The following ERI3 variants were observed in gnomAD, a reference collection of about 807,000 sequenced individuals.
ERI3 encodes ERI1 exoribonuclease 3.
In ERI3, 18 loss-of-function variants were observed where a neutral mutation model predicts 44.4. That is an observed-to-expected ratio of 0.41 (90% CI 0.28 to 0.60). ERI3 has a LOEUF of 0.60. ERI3 is among the 20% of genes least tolerant of loss of function. The pLI, the probability that ERI3 is intolerant of heterozygous loss-of-function variation, is 0.36. For missense variants in ERI3, 294 were observed against 435.5 expected (o/e 0.68, Z 2.89); for synonymous variants, 183 against 164.8 (o/e 1.11, Z -0.84).
intron 7 of ERI3, among the ~76,000 whole-genome samples, chr1:44,278,168 G>A (rs1356793974): frequency 6.6e-6 from 1 of 152,160 alleles, no homozygotes; most frequent in Non-Finnish European, 1.5e-5. Flanking sequence ...CAATTGGGAT[G>A]CTAAATCTTC....
chr1:44,293,229 C>T (rs1645544558), intron 6 of ERI3, among the ~76,000 whole-genome samples: 2 of 152,238 alleles, frequency 1.3e-5, no homozygotes, highest in East Asian at 1.9e-4. Flanking sequence ...GGGCAAGCCC[C>T]GCTGTCCTCT....
chr1:44,283,155 T>C (rs1428774820), intron 7 of ERI3, among the ~76,000 whole-genome samples: 2 of 152,230 alleles, frequency 1.3e-5, no homozygotes, highest in South Asian at 4.1e-4. Context: ...TGGTATGCTA[T>C]GTTCCAGGGG....
intron 8 of ERI3, among the ~76,000 whole-genome samples, chr1:44,234,632 C>T (rs1287757508): frequency 2.0e-5 from 3 of 152,110 alleles, no homozygotes; most frequent in South Asian, 4.2e-4. Flanking sequence ...GCACTCTAGC[C>T]GGGGCAACAG....
In ERI3 at chr1:44,278,477, GAAA is replaced by G. The variant is rs746101806; in HGVS notation, c.831+6355_831+6357del. Among the ~76,000 whole-genome samples, 51 of 80,036 alleles carry G rather than the reference GAAA, an allele frequency of 6.4e-4. 1 individual carries two copies. The highest frequency in any genetic ancestry group is 2.3e-3 in the African/African-American group (49 of 21,510). 52.5% of individuals were successfully genotyped at this position (80,036 alleles called of 152,430 possible). A position where few individuals can be genotyped will look rare whatever the true frequency, so the allele number is the denominator to read the frequency against. ...GGGCAACAGAGCAAGACTGTCTCAG[GAAA>G]AAAAAAAAAAAAAAGGAAATACTTA... On this transcript the variant is annotated intron_variant, in intron 7 of 8. Coordinates refer to ENST00000372257, the MANE Select transcript of ERI3 (RefSeq NM_024066.3).
intron 6 of ERI3, among the ~76,000 whole-genome samples, chr1:44,294,431 C>T (rs6699067): frequency 0.048 from 7,350 of 152,330 alleles, 230 homozygotes; most frequent in South Asian, 0.11. Flanking sequence ...GCCACAAACA[C>T]GCTGTGGAAC....
intron 1 of ERI3, 133 bp downstream of exon 1, chr1:44,354,759 G>A (rs1572367391): frequency 1.1e-5 from 14 of 1,253,770 alleles, no homozygotes; most frequent in Non-Finnish European, 1.1e-5. Flanking sequence ...ACATTACTCA[G>A]TAGATTAAGT....
At chr1:44,349,585 A>G (rs1025487280) in intron 2 of ERI3, among the ~76,000 whole-genome samples, 1 of 152,218 alleles carries the variant, frequency 6.6e-6, no homozygotes, top group Admixed American at 6.5e-5. Flanking sequence ...TCTTTTTAGC[A>G]TATGTTCACA....
At chr1:44,284,170 G>A (rs1240056506) in intron 7 of ERI3, 1 of 421,254 alleles carries the variant, frequency 2.4e-6, no homozygotes, top group African/African-American at 2.1e-5. Flanking sequence ...GGAAAGTACA[G>A]TTTTCTAAGT....
At chr1:44,341,911 A>G (rs1222466419) in intron 2 of ERI3, among the ~76,000 whole-genome samples, 3 of 152,010 alleles carry the variant, frequency 2.0e-5, no homozygotes, top group Non-Finnish European at 4.4e-5. Context: ...AAAACAAAAC[A>G]AAACAAAAAA....
intron 4 of ERI3, among the ~76,000 whole-genome samples, chr1:44,317,995 A>G (rs561614686): frequency 9.2e-5 from 14 of 152,336 alleles, no homozygotes; most frequent in African/African-American, 3.1e-4. Flanking sequence ...CAGCCTTCAT[A>G]ATAAAGATCC....
intron 7 of ERI3, among the ~76,000 whole-genome samples, chr1:44,276,827 C>T (rs1572170384): frequency 6.6e-6 from 1 of 152,322 alleles, no homozygotes; most frequent in East Asian, 1.9e-4. Flanking sequence ...CATCAAACCT[C>T]CCTGAGGAAA....
At chr1:44,264,500 C>T (rs867150620) in intron 7 of ERI3, among the ~76,000 whole-genome samples, 2 of 152,244 alleles carry the variant, frequency 1.3e-5, no homozygotes, top group Non-Finnish European at 2.9e-5. Flanking sequence ...TCAGCAGCCC[C>T]GCGCCTGGAC....
chr1:44,353,143 T>G, intron 1 of ERI3: 1 of 985,316 alleles, frequency 1.0e-6, no homozygotes, highest in Non-Finnish European at 1.2e-6. Flanking sequence ...CTAAGGAGGC[T>G]CACCTCCTAG....
At chr1:44,222,023 C>A (rs1643911991) in intron 8 of ERI3, among the ~76,000 whole-genome samples, 2 of 152,266 alleles carry the variant, frequency 1.3e-5, no homozygotes, top group South Asian at 4.1e-4. Context: ...GACGGCCCGT[C>A]CGCCACACTC....
rs544794452 is a variant in ERI3 at position 44,226,391 on chromosome 1, A to G, written c.932-4751T>C. Among the ~76,000 whole-genome samples the G allele has an allele frequency of 4.6e-5, 7 of 152,258 alleles. No individual in the cohort carries two copies. The East Asian group carries it at 1.3e-3, about 29-fold the overall frequency. On this transcript the variant is annotated intron_variant, in intron 8 of 8. Coordinates refer to ENST00000372257, the MANE Select transcript of ERI3 (RefSeq NM_024066.3). The stretch of plus-strand genomic sequence containing the variant: ...TACCAGATCTTGTTTCAGAATTATG[A>G]TCCTAGATGTGAGGACAGGATTGGA...
chr1:44,312,542 T>C (rs575228642), intron 5 of ERI3, among the ~76,000 whole-genome samples: 1 of 152,340 alleles, frequency 6.6e-6, no homozygotes, highest in African/African-American at 2.4e-5. Flanking sequence ...AAGTGTGGTC[T>C]CTGCCAAGGG....
At chr1:44,312,357 C>T (rs929893372) in intron 5 of ERI3, among the ~76,000 whole-genome samples, 1 of 152,136 alleles carries the variant, frequency 6.6e-6, no homozygotes, top group Non-Finnish European at 1.5e-5. Flanking sequence ...CTCTTCTCCC[C>T]TCCCCCTATA....
In ERI3 at chr1:44,333,748, G is replaced by A. The variant is rs561040045; in HGVS notation, c.489+5297C>T. The stretch of plus-strand genomic sequence containing the variant: ...TTCACAAAAGACTAGTAATGATGTG[G>A]CAACTCTAGGTCACACGGAAACCCT... On this transcript the variant is annotated intron_variant, in intron 3 of 8. Coordinates refer to ENST00000372257, the MANE Select transcript of ERI3 (RefSeq NM_024066.3). Among the ~76,000 whole-genome samples, 26 of 152,208 alleles carry A rather than the reference G, an allele frequency of 1.7e-4. 1 individual carries two copies. In the South Asian group the frequency reaches 5.0e-3, roughly 29 times the overall value.
chr1:44,284,458 A>G (rs984843855), intron 7 of ERI3, among the ~76,000 whole-genome samples: 9 of 152,174 alleles, frequency 5.9e-5, no homozygotes, highest in Non-Finnish European at 8.8e-5. Flanking sequence ...ATTGATGATG[A>G]TAACAAAGGA....
Sources: gnomAD v4.1 joint callset for allele counts (sites outside exome capture counted in the v4.1 genomes callset) on GRCh38, gnomAD v4.1.1 for gene constraint, MANE v1.5 for transcripts, NCBI Gene and HGNC (gene_info 2026-07-23, HGNC 2026-07-21) for gene names.